The following KDM5A variants were observed in gnomAD, a reference collection of about 807,000 sequenced individuals.
The protein encoded by KDM5A is lysine-specific demethylase 5A.
A neutral mutation model predicts 193.5 loss-of-function variants in KDM5A; 42 were observed. The observed-to-expected ratio is 0.22, with a 90% CI of 0.17 to 0.28. The LOEUF (loss-of-function observed/expected upper bound fraction) is 0.28, where lower values mean the gene tolerates loss of function less well. Ranked by LOEUF, KDM5A falls within the 10% of genes least tolerant of loss-of-function variation. The pLI, the probability that KDM5A is intolerant of heterozygous loss-of-function variation, is 1.00. For missense variants in KDM5A, 1,692 were observed against 2,055.1 expected (o/e 0.82, Z 3.42); for synonymous variants, 796 against 718.1 (o/e 1.11, Z -1.73).
intron 14 of KDM5A, among the ~76,000 whole-genome samples, chr12:327,940 G>C (rs1308071133): frequency 2.6e-5 from 4 of 152,104 alleles, no homozygotes; most frequent in Non-Finnish European, 5.9e-5. Flanking sequence ...TTTGAGCCCA[G>C]AAGTTTGAGG....
At position 356,415 on chromosome 12, in the gene KDM5A, C is replaced by G. The variant is rs753619303; in HGVS notation, c.778+17G>C. 5 of 1,482,156 alleles carry G rather than the reference C, an allele frequency of 3.4e-6. No individual in the cohort carries two copies. The African/African-American group carries it at 6.9e-5, about 21-fold the overall frequency. 91.8% of individuals were successfully genotyped at this position (1,482,156 alleles called of 1,614,324 possible). A position where few individuals can be genotyped will look rare whatever the true frequency, so the allele number is the denominator to read the frequency against. Reference sequence around the variant, plus strand: ...ATTCTACCTTATCTCTTTTCATGATCAAACAACAAATTTTACCTTCTTTAT... The same window carrying G: ...ATTCTACCTTATCTCTTTTCATGATGAAACAACAAATTTTACCTTCTTTAT... On this transcript the variant is annotated intron_variant, in intron 6 of 27. Coordinates refer to ENST00000399788, the MANE Select transcript of KDM5A (RefSeq NM_001042603.3).
chr12:300,884 A>G (rs751196537), intron 24 of KDM5A, among the ~76,000 whole-genome samples: 1 of 152,244 alleles, frequency 6.6e-6, no homozygotes, highest in Non-Finnish European at 1.5e-5. Context: ...AACTACCAGC[A>G]GACAATACTA....
chr12:291,252 TG>T (rs1267459140), intron 27 of KDM5A, among the ~76,000 whole-genome samples: 5 of 152,192 alleles, frequency 3.3e-5, no homozygotes, highest in African/African-American at 9.7e-5. Context: ...CTGTCTGCCT[TG>T]GAAGATTAGA....
intron 22 of KDM5A, 68 bp downstream of exon 22, chr12:309,733 TGA>T (rs1262987667): frequency 2.0e-6 from 3 of 1,497,650 alleles, no homozygotes; most frequent in Non-Finnish European, 2.8e-6. Context: ...ATAAAAACTG[TGA>T]GTCTGCTAAT....
intron 2 of KDM5A, 105 bp downstream of exon 2, chr12:385,792 T>A: frequency 1.2e-6 from 1 of 851,052 alleles, no homozygotes; most frequent in Non-Finnish European, 2.0e-6. Context: ...CAATACCAAT[T>A]AACACAAACT....
chr12:290,728 C>T (rs1043690323), intron 27 of KDM5A, among the ~76,000 whole-genome samples: 2 of 148,562 alleles, frequency 1.3e-5, no homozygotes, highest in African/African-American at 2.5e-5. Context: ...AAAAAAAAAA[C>T]GGCCTAAGTG....
At position 333,511 on chromosome 12, in the gene KDM5A, G is replaced by A. The variant is rs374008982; in HGVS notation, c.1629C>T (p.Asn543=). The change falls in exon 12 of 28, where the codon AAC becomes AAT. Residue 543 remains asparagine (N), a synonymous_variant. Transcript: ENST00000399788. ...CAGGCACACCATGCTCCATTAGCAC[G>A]TTGGGGTTCATGATGGTAACTAACT... ...LHQLVTIMNP[N]VLMEHGVPVY... is the part of the protein sequence containing the mutation. 4.3e-5 allele frequency: 70 copies of A among 1,614,020 alleles called. No individual in the cohort carries two copies. Among genetic ancestry groups the A allele is most frequent in the South Asian group, 7.7e-5 (7 of 91,072 alleles).
intron 18 of KDM5A, among the ~76,000 whole-genome samples, chr12:319,037 C>T (rs1943683973): frequency 6.6e-6 from 1 of 152,106 alleles, no homozygotes; most frequent in Non-Finnish European, 1.5e-5. Flanking sequence ...GAAGAATGAG[C>T]TTGGTGTGTT....
intron 22 of KDM5A, among the ~76,000 whole-genome samples, chr12:309,497 G>C (rs1943554030): frequency 6.6e-6 from 1 of 152,150 alleles, no homozygotes; most frequent in African/African-American, 2.4e-5. Context: ...AGAAGCTATT[G>C]ATAAAATTAA....
intron 10 of KDM5A, among the ~76,000 whole-genome samples, chr12:336,627 G>A (rs1943936758): frequency 6.6e-6 from 1 of 152,072 alleles, no homozygotes; most frequent in South Asian, 2.1e-4. Context: ...GATTACTTGA[G>A]GTCAGGAGTT....
intron 10 of KDM5A, among the ~76,000 whole-genome samples, chr12:339,270 C>T: frequency 1.3e-5 from 2 of 151,764 alleles, no homozygotes; most frequent in Non-Finnish European, 2.9e-5. Flanking sequence ...ATGTATAATT[C>T]CCAGTGAAAA....
intron 21 of KDM5A, 38 bp downstream of exon 21, chr12:310,843 TTAAA>T (rs1157671670): frequency 6.3e-6 from 10 of 1,595,276 alleles, no homozygotes; most frequent in Non-Finnish European, 8.6e-6. Context: ...CTATTACTAC[TTAAA>T]TTATCAGCTG....
intron 3 of KDM5A, among the ~76,000 whole-genome samples, chr12:374,482 G>A (rs1245972215): frequency 6.6e-6 from 1 of 152,148 alleles, no homozygotes; most frequent in Non-Finnish European, 1.5e-5. Context: ...CATGTGAGAT[G>A]GGTCTCCTGA....
chr12:347,596 A>C lies in KDM5A; in HGVS notation c.1308+3025T>G, dbSNP rs553852283. On this transcript the variant is annotated intron_variant, in intron 10 of 27. Coordinates refer to ENST00000399788, the MANE Select transcript of KDM5A (RefSeq NM_001042603.3). ...ACCAATGGAACAGAACAGAGCCCTC[A>C]GAAATAACACCACATATCCACAACC... Among the ~76,000 whole-genome samples the C allele has an allele frequency of 2.0e-3, 306 of 152,352 alleles. 3 individuals are homozygous for C. Among genetic ancestry groups the C allele is most frequent in the African/African-American group, 7.2e-3 (300 of 41,586 alleles).
At chr12:349,557 T>C (rs1184453427) in intron 10 of KDM5A, among the ~76,000 whole-genome samples, 2 of 149,024 alleles carry the variant, frequency 1.3e-5, no homozygotes, top group Non-Finnish European at 3.0e-5. Context: ...CTTGAACTCC[T>C]GACCTCGTGA....
chr12:290,590 G>T (rs1367654478), intron 27 of KDM5A, among the ~76,000 whole-genome samples: 1 of 152,106 alleles, frequency 6.6e-6, no homozygotes, highest in Non-Finnish European at 1.5e-5. Flanking sequence ...CAAAAATAAT[G>T]ATCACATCTT....
chr12:303,836 A>G (rs886526478), intron 24 of KDM5A, among the ~76,000 whole-genome samples: 1 of 152,096 alleles, frequency 6.6e-6, no homozygotes, highest in African/African-American at 2.4e-5. Context: ...ATACAAGTAT[A>G]TGTCTGACTG....
At chr12:337,642 T>C (rs1943951376) in intron 10 of KDM5A, among the ~76,000 whole-genome samples, 1 of 148,612 alleles carries the variant, frequency 6.7e-6, no homozygotes, top group Non-Finnish European at 1.5e-5. Context: ...CAAATATTTC[T>C]AAACTTTTTT....
chr12:379,557 C>T (rs1229390261), intron 3 of KDM5A, among the ~76,000 whole-genome samples: 3 of 152,142 alleles, frequency 2.0e-5, no homozygotes, highest in Admixed American at 6.5e-5. Flanking sequence ...AAAAAGTTAA[C>T]GTGAGAAGCA....
Sources: allele counts gnomAD v4.1 joint callset (sites outside exome capture counted in the v4.1 genomes callset), GRCh38; gene constraint gnomAD v4.1.1; transcripts MANE v1.5; gene names NCBI Gene and HGNC (gene_info 2026-07-23, HGNC 2026-07-21).